The following STARD13 variants were observed in gnomAD, a reference collection of about 807,000 sequenced individuals.
The protein encoded by STARD13 is stAR-related lipid transfer protein 13.
In STARD13, 62 loss-of-function variants were observed where a neutral mutation model predicts 106.4. That is an observed-to-expected ratio of 0.58 (90% CI 0.48 to 0.72). The LOEUF (loss-of-function observed/expected upper bound fraction) is 0.72. Ranked by LOEUF, STARD13 falls within the 30% of genes least tolerant of loss-of-function variation. The probability of loss-of-function intolerance (pLI) is 0.00; values close to 1 mark genes in which losing one functional copy is unlikely to be tolerated. For synonymous variants in STARD13, 565 were observed against 553.0 expected (o/e 1.02, Z -0.31); for missense variants, 1,387 against 1,424.0 (o/e 0.97, Z 0.42).
At chr13:33,189,115 A>G (rs1289079183) in intron 1 of STARD13, among the ~76,000 whole-genome samples, 1 of 152,202 alleles carries the variant, frequency 6.6e-6, no homozygotes, top group Non-Finnish European at 1.5e-5. Flanking sequence ...ATTGCTTAAA[A>G]GTAGTGTCAT....
the STARD13 span, chr13:33,656,751 G>A: frequency 6.6e-6 from 1 of 152,336 alleles, no homozygotes; most frequent in Admixed American, 6.5e-5. Context: ...AACTTCTAAT[G>A]CGAAGAGAAT....
chr13:33,581,115 A>G, the STARD13 span, among the ~76,000 whole-genome samples: 1 of 152,148 alleles, frequency 6.6e-6, no homozygotes, highest in African/African-American at 2.4e-5. Context: ...CCTTTTTCTC[A>G]TGCTTATTTT....
the STARD13 span, among the ~76,000 whole-genome samples, chr13:33,550,164 T>C: frequency 2.6e-5 from 4 of 152,156 alleles, no homozygotes. Context: ...AATCTTGCAG[T>C]CGTTAATCAT....
upstream of STARD13, among the ~76,000 whole-genome samples, chr13:33,288,469 C>T (rs945968436): frequency 2.6e-5 from 4 of 151,872 alleles, no homozygotes; most frequent in African/African-American, 9.7e-5. Flanking sequence ...AGATGGGGGT[C>T]TCTCTTTGCT....
At chr13:33,627,263 T>A in the STARD13 span, among the ~76,000 whole-genome samples, 1 of 152,214 alleles carries the variant, frequency 6.6e-6, no homozygotes, top group African/African-American at 2.4e-5. Context: ...CATAGTGCTG[T>A]ATTGTAAGGT....
chr13:33,383,522 T>A, the STARD13 span: 2 of 151,634 alleles, frequency 1.3e-5, no homozygotes, highest in East Asian at 3.9e-4. Flanking sequence ...GGCAGGTGGA[T>A]CACCTAAGAT....
chr13:33,508,848 G>A, the STARD13 span, among the ~76,000 whole-genome samples: 2 of 152,182 alleles, frequency 1.3e-5, no homozygotes, highest in Non-Finnish European at 2.9e-5. Context: ...TACAAACCTA[G>A]ATGGTATAGC....
chr13:33,627,693 T>C, the STARD13 span, among the ~76,000 whole-genome samples: 1 of 152,052 alleles, frequency 6.6e-6, no homozygotes, highest in Admixed American at 6.6e-5. Context: ...TTGTCCTTCA[T>C]GGCCCTGGAC....
the STARD13 span, among the ~76,000 whole-genome samples, chr13:33,435,663 G>T: frequency 2.6e-5 from 4 of 152,040 alleles, no homozygotes; most frequent in African/African-American, 7.2e-5. Flanking sequence ...AAAGGCTCTG[G>T]TTTCACTGGA....
At chr13:33,360,355 C>T in the STARD13 span, among the ~76,000 whole-genome samples, 3 of 151,992 alleles carry the variant, frequency 2.0e-5, no homozygotes, top group Admixed American at 1.3e-4. Context: ...TAGGCGCGTG[C>T]CACCACTCCC....
chr13:33,433,142 T>C, the STARD13 span, among the ~76,000 whole-genome samples: 3 of 152,228 alleles, frequency 2.0e-5, no homozygotes, highest in African/African-American at 7.2e-5. Context: ...GTGCTTCTGA[T>C]TGAAGAAAGT....
At chr13:33,676,772 G>C in the STARD13 span, 293 of 152,224 alleles carry the variant, frequency 1.9e-3, 2 homozygotes, top group African/African-American at 6.6e-3. Context: ...ATCTGTCATA[G>C]CACTCCACTC....
chr13:33,636,432 A>G, the STARD13 span, among the ~76,000 whole-genome samples: 172 of 152,244 alleles, frequency 1.1e-3, 2 homozygotes, highest in Non-Finnish European at 1.4e-3. Flanking sequence ...AAACCCGGCT[A>G]CTTTGGAGAG....
the STARD13 span, among the ~76,000 whole-genome samples, chr13:33,409,439 A>T: frequency 2.8e-4 from 43 of 152,342 alleles, no homozygotes; most frequent in African/African-American, 1.0e-3. Context: ...TGCTTTGAGC[A>T]CTGCACCATG....
At chr13:33,402,791 G>T in the STARD13 span, among the ~76,000 whole-genome samples, 1 of 152,238 alleles carries the variant, frequency 6.6e-6, no homozygotes, top group Non-Finnish European at 1.5e-5. Flanking sequence ...GGGGGTGGCC[G>T]GAGGGCAGTT....
At chr13:33,319,044 T>A (rs76912425) in intron 1 of STARD13, among the ~76,000 whole-genome samples, 1,790 of 90,064 alleles carry the variant, frequency 0.02, 39 homozygotes, top group African/African-American at 0.071. Flanking sequence ...ATTCCACTCA[T>A]AGATCTACAC....
chr13:33,174,603 C>G (rs974109275), intron 1 of STARD13, among the ~76,000 whole-genome samples: 1 of 152,188 alleles, frequency 6.6e-6, no homozygotes, highest in Admixed American at 6.5e-5. Context: ...GACAGAGAAA[C>G]AGCAGACCAG....
the STARD13 span, among the ~76,000 whole-genome samples, chr13:33,405,299 G>A: frequency 7.4e-3 from 1,121 of 152,328 alleles, 16 homozygotes; most frequent in Admixed American, 0.035. Context: ...CACACTTCGC[G>A]TGCCCCTCTG....
intron 1 of STARD13, among the ~76,000 whole-genome samples, chr13:33,209,457 C>CTTTTTTT (rs1479939760): frequency 8.1e-6 from 1 of 123,108 alleles, no homozygotes; most frequent in African/African-American, 2.7e-5. Flanking sequence ...CTCTCTCTCT[C>CTTTTTTT]TCTTTTTTTT....
Sources: allele counts gnomAD v4.1 joint callset (sites outside exome capture counted in the v4.1 genomes callset), GRCh38; gene constraint gnomAD v4.1.1; transcripts MANE v1.5; gene names NCBI Gene and HGNC (gene_info 2026-07-23, HGNC 2026-07-21).